Variants in VWC2L observed in about 807,000 individuals in gnomAD.
The protein encoded by VWC2L is von Willebrand factor C domain-containing protein 2-like.
VWC2L carries 10 observed loss-of-function variants against 21.6 expected under a neutral mutation model. The ratio of observed to expected loss-of-function variants is 0.46; its 90% CI spans 0.29 to 0.78. VWC2L has a LOEUF of 0.78. Among genes scored for constraint, VWC2L ranks in the 30% least tolerant of loss-of-function variants. VWC2L has a pLI of 0.10. For missense variants in VWC2L, 209 were observed against 277.1 expected, an observed-to-expected ratio of 0.75 and a Z score of 1.74; for synonymous variants, 96 against 94.3, an observed-to-expected ratio of 1.02 and a Z score of -0.10.
intron 1 of VWC2L, 60 bp from the exon 2 acceptor site, chr2:214,414,054 A>G: frequency 1.0e-6 from 1 of 973,490 alleles, no homozygotes; most frequent in East Asian, 2.7e-5. Context: ...GCGTGGGCTT[A>G]AATGAATCTA....
intron 3 of VWC2L, among the ~76,000 whole-genome samples, chr2:214,450,489 GAA>G (rs1159563619): frequency 6.6e-6 from 1 of 152,208 alleles, no homozygotes; most frequent in Non-Finnish European, 1.5e-5. Flanking sequence ...AAATTTGAGG[GAA>G]AGAGTTGAAA....
intron 3 of VWC2L, among the ~76,000 whole-genome samples, chr2:214,516,645 C>A (rs1689147911): frequency 7.5e-6 from 1 of 133,572 alleles, no homozygotes; most frequent in South Asian, 2.5e-4. Flanking sequence ...AGAGAAACAG[C>A]CTTTTGAAAT....
intron 3 of VWC2L, among the ~76,000 whole-genome samples, chr2:214,556,249 G>T (rs1318489053): frequency 6.6e-6 from 1 of 152,108 alleles, no homozygotes; most frequent in Non-Finnish European, 1.5e-5. Context: ...GACAGAGCAA[G>T]ACTCCATCTC....
chr2:214,434,364 T>C (rs1386217699), intron 2 of VWC2L, among the ~76,000 whole-genome samples: 2 of 152,146 alleles, frequency 1.3e-5, no homozygotes, highest in South Asian at 2.1e-4. Context: ...AACCTAACTT[T>C]GGCAACTACG....
intron 3 of VWC2L, among the ~76,000 whole-genome samples, chr2:214,503,415 C>G (rs1688923551): frequency 6.6e-6 from 1 of 151,912 alleles, no homozygotes; most frequent in African/African-American, 2.4e-5. Context: ...TTAATATATT[C>G]ATCTTGATAC....
Position 214,522,374 on chromosome 2 carries a change from CAAAA to C in VWC2L, c.521-53279_521-53276del, listed in dbSNP as rs5838440. Among the ~76,000 whole-genome samples the C allele has an allele frequency of 2.7e-4, 28 of 102,942 alleles. 1 individual carries two copies. Among genetic ancestry groups the C allele is most frequent in the Admixed American group, 1.3e-3 (11 of 8,682 alleles). The allele number at this position is 102,942 out of a possible 152,430, so 67.5% of individuals were successfully genotyped here. A position where few individuals can be genotyped will look rare whatever the true frequency, so the allele number is the denominator to read the frequency against. On this transcript the variant is annotated intron_variant, in intron 3 of 3. Transcript: ENST00000312504. ...TGGGGGACAGAGCGAGACCCCGTCT[CAAAA>C]AAAAAAAAAAAAAAAAAATTGCATT...
intron 2 of VWC2L, among the ~76,000 whole-genome samples, chr2:214,416,769 T>A (rs1035231614): frequency 6.6e-6 from 1 of 152,076 alleles, no homozygotes; most frequent in Non-Finnish European, 1.5e-5. Flanking sequence ...GACCATAAAA[T>A]AGCCATTGTA....
chr2:214,506,120 T>C (rs1688964526), intron 3 of VWC2L, among the ~76,000 whole-genome samples: 1 of 152,232 alleles, frequency 6.6e-6, no homozygotes, highest in South Asian at 2.1e-4. Context: ...TATTATCTCA[T>C]GTTTCTATCT....
intron 3 of VWC2L, among the ~76,000 whole-genome samples, chr2:214,529,738 T>C (rs1287713791): frequency 6.6e-6 from 1 of 152,194 alleles, no homozygotes. Context: ...GCATCGATTC[T>C]ACACAGGGGT....
At chr2:214,473,165 A>T (rs1293989779) in intron 3 of VWC2L, among the ~76,000 whole-genome samples, 1 of 152,182 alleles carries the variant, frequency 6.6e-6, no homozygotes, top group Non-Finnish European at 1.5e-5. Flanking sequence ...AATTGCTCAC[A>T]ATAAAAGCTG....
At chr2:214,548,109 T>C (rs2105923920) in intron 3 of VWC2L, among the ~76,000 whole-genome samples, 1 of 152,328 alleles carries the variant, frequency 6.6e-6, no homozygotes, top group Admixed American at 6.5e-5. Flanking sequence ...CGGGTTGTCA[T>C]TAAACCTCCA....
chr2:214,490,656 C>T (rs1019742338), intron 3 of VWC2L, among the ~76,000 whole-genome samples: 2 of 152,112 alleles, frequency 1.3e-5, no homozygotes, highest in African/African-American at 4.8e-5. Flanking sequence ...CCAGCTGAAA[C>T]CCTTGAAAAT....
At position 214,484,065 on chromosome 2, in the gene VWC2L, T is replaced by G. The variant is rs557799007; in HGVS notation, c.520+47307T>G. ...TCCTTGGCTTGCAGATTCCTTGGCT[T>G]GCATCACTCCAATCTCTGCCTGCAT... On this transcript the variant is annotated intron_variant, in intron 3 of 3. Coordinates refer to ENST00000312504, the MANE Select transcript of VWC2L (RefSeq NM_001080500.4). 9.9e-5 allele frequency among the ~76,000 whole-genome samples: 15 copies of G among 152,280 alleles called. No individual in the cohort carries two copies. The South Asian group carries it at 2.9e-3, about 29-fold the overall frequency.
intron 2 of VWC2L, among the ~76,000 whole-genome samples, chr2:214,421,844 G>A (rs1170551600): frequency 6.7e-6 from 1 of 148,752 alleles, no homozygotes; most frequent in Non-Finnish European, 1.5e-5. Context: ...TTGGTTAATC[G>A]GGTGATATTA....
At chr2:214,542,854 GCA>G (rs1251554262) in intron 3 of VWC2L, among the ~76,000 whole-genome samples, 1 of 152,106 alleles carries the variant, frequency 6.6e-6, no homozygotes, top group Non-Finnish European at 1.5e-5. Context: ...TGAAACTTGT[GCA>G]CAGTTTAGAA....
At chr2:214,454,306 C>A (rs1273035192) in intron 3 of VWC2L, among the ~76,000 whole-genome samples, 1 of 152,082 alleles carries the variant, frequency 6.6e-6, no homozygotes, top group Non-Finnish European at 1.5e-5. Flanking sequence ...ACATCCCATA[C>A]AACGTTGAAT....
chr2:214,460,517 C>A (rs1421777361), intron 3 of VWC2L, among the ~76,000 whole-genome samples: 2 of 152,158 alleles, frequency 1.3e-5, no homozygotes, highest in East Asian at 3.9e-4. Flanking sequence ...AAAGACCTGT[C>A]TTCAAGTTCT....
intron 3 of VWC2L, 74 bp from the exon 4 acceptor site, chr2:214,575,598 C>T (rs1690217225): frequency 6.5e-7 from 1 of 1,546,010 alleles, no homozygotes; most frequent in Non-Finnish European, 8.8e-7. Context: ...GGCTTTGGGG[C>T]TTGGGTTTGG....
At chr2:214,466,578 C>T (rs913817780) in intron 3 of VWC2L, among the ~76,000 whole-genome samples, 2 of 152,166 alleles carry the variant, frequency 1.3e-5, no homozygotes, top group African/African-American at 4.8e-5. Context: ...TTTGAAAACC[C>T]CAATTACACA....
Sources: allele counts gnomAD v4.1 joint callset (sites outside exome capture counted in the v4.1 genomes callset), GRCh38; gene constraint gnomAD v4.1.1; transcripts MANE v1.5; gene names NCBI Gene and HGNC (gene_info 2026-07-23, HGNC 2026-07-21).